UBR1: variants seen among roughly 807,000 people sequenced by gnomAD.
UBR1 encodes ubiquitin protein ligase E3 component n-recognin 1, also known as E3 ubiquitin-protein ligase UBR1.
Under a neutral mutation model 242.1 loss-of-function variants are expected in UBR1, and 102 were observed. That is an observed-to-expected ratio of 0.42 (90% confidence interval 0.36 to 0.50). The LOEUF is 0.50. Ranked by LOEUF, UBR1 falls within the 20% of genes least tolerant of loss-of-function variation. The pLI, the probability that UBR1 is intolerant of heterozygous loss-of-function variation, is 0.01. For missense variants in UBR1, 1,772 were observed against 2,101.8 expected, an observed-to-expected ratio of 0.84 and a Z score of 3.07; for synonymous variants, 675 against 684.8, an observed-to-expected ratio of 0.99 and a Z score of 0.22.
intron 30 of UBR1, among the ~76,000 whole-genome samples, chr15:43,005,495 C>T (rs1377115146): frequency 1.1e-4 from 16 of 152,098 alleles, no homozygotes; most frequent in East Asian, 3.9e-4. Context: ...CCCAGCCAGC[C>T]GCTCCGTCTG....
At chr15:42,950,497 C>T (rs762648869) in intron 45 of UBR1, 134 bp from the exon 46 acceptor site, 12 of 711,874 alleles carry the variant, frequency 1.7e-5, no homozygotes, top group Non-Finnish European at 2.8e-5. Context: ...TATAAACAGA[C>T]AAATAGACTA....
At chr15:43,090,599 C>A (rs942922903) in intron 1 of UBR1, among the ~76,000 whole-genome samples, 1 of 151,554 alleles carries the variant, frequency 6.6e-6, no homozygotes, top group African/African-American at 2.4e-5. Context: ...AGGTTCTTTT[C>A]ATCAACAGCA....
intron 32 of UBR1, among the ~76,000 whole-genome samples, chr15:43,000,336 T>C (rs989071183): frequency 6.6e-6 from 1 of 152,218 alleles, no homozygotes; most frequent in African/African-American, 2.4e-5. Context: ...GGATCAGTTT[T>C]CTGAATTTAG....
chr15:42,984,163 G>A (rs1248724748), intron 36 of UBR1, among the ~76,000 whole-genome samples, 170 bp from the exon 37 acceptor site: 2 of 152,102 alleles, frequency 1.3e-5, no homozygotes, highest in African/African-American at 4.8e-5. Context: ...ACCTGTACAA[G>A]GTTTTATGGC....
In UBR1 at chr15:43,015,835, C is replaced by T; in HGVS notation, c.3062G>A (p.Arg1021Lys). The T allele has an allele frequency of 6.2e-7, 1 of 1,614,066 alleles. No homozygotes were observed. The highest frequency in any genetic ancestry group is 8.5e-7 in the Non-Finnish European group (1 of 1,180,008). ...THDKEKAERK[R>K]KAEAARLHRQ... ...ATGTAGCCTAGCAGCTTCAGCTTTT[C>T]TTTTTCGTTCTGCTTTTTCTTTATC... Residue 1021 changes from arginine to lysine, a missense_variant, in exon 29 of 47, where the codon AGA becomes AAA. Arg to Lys is a conservative substitution (Grantham distance 26, BLOSUM62 2). Transcript: ENST00000290650.
At chr15:43,009,695 T>C (rs1044101092) in intron 29 of UBR1, among the ~76,000 whole-genome samples, 2 of 152,202 alleles carry the variant, frequency 1.3e-5, no homozygotes, top group African/African-American at 4.8e-5. Flanking sequence ...TAGTATGTAG[T>C]AGAGCCAGGA....
intron 1 of UBR1, among the ~76,000 whole-genome samples, chr15:43,097,296 G>C (rs2034173221): frequency 6.6e-6 from 1 of 152,068 alleles, no homozygotes; most frequent in African/African-American, 2.4e-5. Context: ...TGTTATAACA[G>C]ATGTACTGTC....
intron 19 of UBR1, 63 bp from the exon 20 acceptor site, chr15:43,032,694 T>C (rs2033272310): frequency 1.9e-6 from 2 of 1,026,086 alleles, no homozygotes; most frequent in Non-Finnish European, 2.9e-6. Context: ...AAAACATGCA[T>C]TTCTGGACGA....
chr15:42,996,760 G>C (rs1231732066), intron 33 of UBR1, among the ~76,000 whole-genome samples: 1 of 152,132 alleles, frequency 6.6e-6, no homozygotes, highest in African/African-American at 2.4e-5. Context: ...AATCACAACA[G>C]AGGGTAAAAT....
chr15:42,998,016 T>G, intron 33 of UBR1, 152 bp downstream of exon 33: 1 of 682,552 alleles, frequency 1.5e-6, no homozygotes. Flanking sequence ...TAAAGCAATT[T>G]AAGCCACTTA....
chr15:43,019,288 C>T (rs1019092707), intron 27 of UBR1, among the ~76,000 whole-genome samples: 3 of 152,116 alleles, frequency 2.0e-5, no homozygotes, highest in African/African-American at 7.2e-5. Context: ...TGGTCTCGAT[C>T]TCCTGACCTC....
chr15:43,057,534 G>A (rs2033632842), intron 10 of UBR1, among the ~76,000 whole-genome samples: 1 of 152,144 alleles, frequency 6.6e-6, no homozygotes, highest in Admixed American at 6.5e-5. Flanking sequence ...TAATTTGGTA[G>A]ATAGACAAAA....
rs1432563074 is a variant in UBR1 at position 43,082,043 on chromosome 15, A to G, written c.417+595T>C. 3.3e-5 allele frequency among the ~76,000 whole-genome samples: 5 copies of G among 152,148 alleles called. No homozygotes were observed. The East Asian group carries it at 9.6e-4, about 29-fold the overall frequency. On this transcript the variant is annotated intron_variant, in intron 3 of 46. Transcript: ENST00000290650. ...TATTTTGCTTTTTACATTTAAAAGT[A>G]TAACAAAATTTTATTTTTATAACTC... is the stretch of plus-strand genomic sequence containing the variant.
At chr15:43,055,811 T>A (rs1487760616) in intron 11 of UBR1, among the ~76,000 whole-genome samples, 1 of 151,458 alleles carries the variant, frequency 6.6e-6, no homozygotes, top group Admixed American at 6.6e-5. Context: ...GCTACTTGGG[T>A]GGCTGAGGCA....
intron 39 of UBR1, among the ~76,000 whole-genome samples, chr15:42,974,565 T>C (rs373307835): frequency 1.6e-4 from 25 of 152,336 alleles, no homozygotes; most frequent in East Asian, 7.7e-4. Context: ...TGTCTTTCCA[T>C]ATATACTTCA....
intron 2 of UBR1, among the ~76,000 whole-genome samples, chr15:43,083,616 AAGTG>A (rs2033998982): frequency 6.6e-6 from 1 of 151,940 alleles, no homozygotes. Context: ...TCCTGACCTC[AAGTG>A]ATCTGCCCAC....
At chr15:43,036,903 A>G (rs922051613) in intron 17 of UBR1, among the ~76,000 whole-genome samples, 3 of 151,904 alleles carry the variant, frequency 2.0e-5, no homozygotes, top group African/African-American at 4.8e-5. Flanking sequence ...TCTACACTCA[A>G]TCATAATACC....
At chr15:43,084,717 T>A (rs2034014068) in intron 2 of UBR1, among the ~76,000 whole-genome samples, 3 of 152,196 alleles carry the variant, frequency 2.0e-5, no homozygotes, top group Non-Finnish European at 4.4e-5. Flanking sequence ...CCTCCCAAAG[T>A]GCTGGGATTA....
chr15:42,962,504 T>G (rs2032039826), intron 42 of UBR1, among the ~76,000 whole-genome samples: 1 of 152,026 alleles, frequency 6.6e-6, no homozygotes, highest in Admixed American at 6.5e-5. Context: ...TTTTTTTTCT[T>G]TTGGAGATGG....
Sources: allele counts gnomAD v4.1 joint callset (sites outside exome capture counted in the v4.1 genomes callset), GRCh38; gene constraint gnomAD v4.1.1; transcripts MANE v1.5; gene names NCBI Gene and HGNC (gene_info 2026-07-23, HGNC 2026-07-21).